BLTP3B: variants seen among roughly 807,000 people sequenced by gnomAD.
BLTP3B encodes UHRF1 (ICBP90) binding protein 1-like.
chr12:100,128,769 T>C, the BLTP3B span: 2 of 1,242,892 alleles, frequency 1.6e-6, no homozygotes, highest in Non-Finnish European at 2.1e-6. Flanking sequence ...GGAGCAAGTT[T>C]AAGGGAAGGA....
the BLTP3B span, among the ~76,000 whole-genome samples, chr12:100,072,243 C>G: frequency 6.6e-6 from 1 of 151,472 alleles, no homozygotes; most frequent in African/African-American, 2.4e-5. Flanking sequence ...GCCTGGGCAA[C>G]AGAGCGAGAC....
At chr12:100,075,739 A>G in the BLTP3B span, among the ~76,000 whole-genome samples, 8 of 152,366 alleles carry the variant, frequency 5.3e-5, no homozygotes, top group South Asian at 2.1e-4. Flanking sequence ...AACAATGCTC[A>G]ATACACTAAT....
chr12:100,070,189 A>AAC, the BLTP3B span: 1 of 1,561,132 alleles, frequency 6.4e-7, no homozygotes, highest in South Asian at 1.2e-5. Flanking sequence ...ACAAATGAGA[A>AAC]ACACACACAG....
chr12:100,047,844 G>A, the BLTP3B span: 2 of 1,213,626 alleles, frequency 1.6e-6, no homozygotes, highest in Non-Finnish European at 2.2e-6. Flanking sequence ...AATAAATGCT[G>A]ATAGAATATA....
chr12:100,063,526 G>A, the BLTP3B span, among the ~76,000 whole-genome samples: 1 of 152,084 alleles, frequency 6.6e-6, no homozygotes, highest in African/African-American at 2.4e-5. Flanking sequence ...GACCAACACA[G>A]AGAAACCCTG....
the BLTP3B span, chr12:100,057,725 G>A: frequency 1.2e-6 from 2 of 1,610,558 alleles, no homozygotes; most frequent in Non-Finnish European, 1.7e-6. Flanking sequence ...GGTTGGGTGG[G>A]CAACGTTCCT....
chr12:100,141,325 T>C, the BLTP3B span, among the ~76,000 whole-genome samples: 1 of 151,822 alleles, frequency 6.6e-6, no homozygotes, highest in Non-Finnish European at 1.5e-5. Flanking sequence ...ACTAAAAAAA[T>C]ACTACATATA....
chr12:100,041,469 A>T, the BLTP3B span, among the ~76,000 whole-genome samples: 1 of 118,746 alleles, frequency 8.4e-6, no homozygotes. Flanking sequence ...ACGGAGTCTC[A>T]CTCTGTCGCC....
At chr12:100,059,090 A>G in the BLTP3B span, 1 of 1,614,124 alleles carries the variant, frequency 6.2e-7, no homozygotes, top group Non-Finnish European at 8.5e-7. Context: ...TTGTTGGTTG[A>G]CAAATCCAAA....
the BLTP3B span, among the ~76,000 whole-genome samples, chr12:100,073,120 T>C: frequency 2.0e-5 from 3 of 152,128 alleles, no homozygotes; most frequent in Non-Finnish European, 4.4e-5. Context: ...TTCTATCAGA[T>C]AATATAGATA....
chr12:100,098,517 T>G, the BLTP3B span: 1 of 1,612,578 alleles, frequency 6.2e-7, no homozygotes, highest in Non-Finnish European at 8.5e-7. Flanking sequence ...TTCCCTCAAC[T>G]ACTTTTTCAG....
At chr12:100,129,657 AT>A in the BLTP3B span, among the ~76,000 whole-genome samples, 112 of 152,328 alleles carry the variant, frequency 7.4e-4, 2 homozygotes, top group South Asian at 0.023. Flanking sequence ...GAGGCCAATG[AT>A]TAGCCTCATT....
At chr12:100,100,370 G>A in the BLTP3B span, among the ~76,000 whole-genome samples, 1 of 151,826 alleles carries the variant, frequency 6.6e-6, no homozygotes, top group Non-Finnish European at 1.5e-5. Flanking sequence ...ACCTTTTCTG[G>A]TTCTCAGGGC....
the BLTP3B span, among the ~76,000 whole-genome samples, chr12:100,040,653 T>A: frequency 6.6e-6 from 1 of 152,042 alleles, no homozygotes; most frequent in Admixed American, 6.6e-5. Context: ...ACCACTGCAC[T>A]CCAGCCTGGG....
the BLTP3B span, among the ~76,000 whole-genome samples, chr12:100,108,901 C>A: frequency 6.6e-6 from 1 of 151,986 alleles, no homozygotes; most frequent in African/African-American, 2.4e-5. Flanking sequence ...ATGATGGTCA[C>A]CAGAGGCTGG....
chr12:100,114,663 T>C, the BLTP3B span, among the ~76,000 whole-genome samples: 1 of 152,242 alleles, frequency 6.6e-6, no homozygotes, highest in Non-Finnish European at 1.5e-5. Flanking sequence ...TTTAAAGTCA[T>C]ACAAGAGAAG....
At chr12:100,100,563 C>T in the BLTP3B span, among the ~76,000 whole-genome samples, 2 of 151,648 alleles carry the variant, frequency 1.3e-5, no homozygotes, top group East Asian at 3.9e-4. Flanking sequence ...ATACAAAAAA[C>T]TAGCCAGGTA....
the BLTP3B span, chr12:100,047,660 T>C: frequency 5.3e-6 from 8 of 1,496,974 alleles, no homozygotes; most frequent in East Asian, 4.5e-5. Flanking sequence ...AAAAATAACA[T>C]TGACATGTTA....
At chr12:100,041,521 C>T in the BLTP3B span, among the ~76,000 whole-genome samples, 3 of 149,844 alleles carry the variant, frequency 2.0e-5, no homozygotes, top group African/African-American at 7.4e-5. Flanking sequence ...ATTGCAACCA[C>T]CGCCTCCTGG....
Sources: allele counts gnomAD v4.1 joint callset (sites outside exome capture counted in the v4.1 genomes callset), GRCh38; gene constraint gnomAD v4.1.1; transcripts MANE v1.5; gene names NCBI Gene and HGNC (gene_info 2026-07-23, HGNC 2026-07-21).